Variants in ATF2 observed in about 807,000 individuals in gnomAD.
ATF2 encodes the protein cyclic AMP-dependent transcription factor ATF-2.
ATF2 carries 24 observed loss-of-function variants against 60.6 expected under a neutral mutation model. The observed-to-expected ratio is 0.40, with a 90% confidence interval of 0.29 to 0.56. ATF2 has a LOEUF of 0.56. Ranked by LOEUF, ATF2 falls within the 20% of genes least tolerant of loss-of-function variation. The pLI is 0.54. For synonymous variants in ATF2, 206 were observed against 215.4 expected (o/e 0.96, Z 0.38); for missense variants, 433 against 607.7 (o/e 0.71, Z 3.02).
At chr2:175,133,261 A>G (rs1316628320) in intron 3 of ATF2, among the ~76,000 whole-genome samples, 2 of 152,184 alleles carry the variant, frequency 1.3e-5, no homozygotes, top group Non-Finnish European at 1.5e-5. Context: ...TTATAAAATT[A>G]CAATAATTAA....
In ATF2 at chr2:175,093,234, T is replaced by C. The variant is rs779123407; in HGVS notation, c.1012A>G (p.Ser338Gly). The C allele has an allele frequency of 3.7e-6, 6 of 1,614,014 alleles. No homozygotes were observed. The highest frequency in any genetic ancestry group is 5.1e-6 in the Non-Finnish European group (6 of 1,180,032). ...GCTCTTCTCCGACGACCACTTGTAC[T>C]TTGGGTCTGTGGAGTTGTGTGAGCT... ...SPAHTTPQTQ[S>G]TSGRRRRAAN... is the part of the protein sequence containing the mutation. The change falls in exon 12 of 14, where the codon AGT becomes GGT. Residue 338 changes from serine to glycine, a missense_variant. This residue lies in a region of ATF2 where 246 missense variants were observed against 309.3 expected (regional missense o/e 0.80). Transcript: ENST00000264110.
rs1018011761 is a variant in ATF2 at position 175,145,244 on chromosome 2, T to A, written c.-44+5816A>T. 1.5e-3 allele frequency among the ~76,000 whole-genome samples: 225 copies of A among 152,212 alleles called. 22 individuals carry two copies. Among genetic ancestry groups the A allele is most frequent in the Non-Finnish European group, 1.3e-4 (9 of 68,036 alleles). On this transcript the variant is annotated intron_variant, in intron 2 of 13. Transcript: ENST00000264110. The stretch of plus-strand genomic sequence containing the variant: ...GTGATATAGGTTGAATATATGTCCC[T>A]GCCAAATCTCATGGTGAATTGTAAT...
At chr2:175,098,944 A>T (rs1695125879) in intron 10 of ATF2, among the ~76,000 whole-genome samples, 1 of 152,194 alleles carries the variant, frequency 6.6e-6, no homozygotes, top group Admixed American at 6.5e-5. Context: ...TTATGCGTGA[A>T]CAAATGTTAG....
chr2:175,114,358 A>C, intron 8 of ATF2: 1 of 1,258,586 alleles, frequency 7.9e-7, no homozygotes, highest in Non-Finnish European at 1.0e-6. Context: ...AATGAGAAAA[A>C]CTGTCATCAG....
intron 12 of ATF2, among the ~76,000 whole-genome samples, chr2:175,084,950 C>A (rs1230025554): frequency 6.6e-6 from 1 of 152,088 alleles, no homozygotes; most frequent in African/African-American, 2.4e-5. Context: ...TAAAAAATAT[C>A]AAAGAAGGTG....
rs181819960 is a variant in ATF2 at position 175,161,936 on chromosome 2, T to A, written c.-143+6114A>T. On this transcript the variant is annotated intron_variant, in intron 1 of 13. Coordinates refer to ENST00000264110, the MANE Select transcript of ATF2 (RefSeq NM_001880.4). ...CCATCATGCCCAGCTAATTTTTGTA[T>A]TTTTAGTAGAGATGGTGTTTTCTCA... 6.4e-3 allele frequency among the ~76,000 whole-genome samples: 974 copies of A among 152,252 alleles called. 2 individuals are homozygous for A. Among genetic ancestry groups the A allele is most frequent in the Middle Eastern group, 0.02 (6 of 294 alleles).
intron 2 of ATF2, among the ~76,000 whole-genome samples, chr2:175,140,755 G>A (rs1404116193): frequency 2.7e-5 from 4 of 149,960 alleles, no homozygotes; most frequent in African/African-American, 9.9e-5. Context: ...TTGGGGTGCC[G>A]AGGCAGAAGG....
Position 175,137,299 on chromosome 2 carries a change from G to T in ATF2, c.-43-813C>A, listed in dbSNP as rs572912422. Among the ~76,000 whole-genome samples, 5 of 152,222 alleles carry T rather than the reference G, an allele frequency of 3.3e-5. No individual in the cohort carries two copies. The East Asian group carries it at 9.6e-4, about 29-fold the overall frequency. On this transcript the variant is annotated intron_variant, in intron 2 of 13. Transcript: ENST00000264110. Reference sequence around the variant, plus strand: ...CTTGTCCCATGCAAAATTTTTATCTGAGAGGGTTCCATTTCTTCACTCACA... The same window carrying T: ...CTTGTCCCATGCAAAATTTTTATCTTAGAGGGTTCCATTTCTTCACTCACA...
chr2:175,107,211 G>A (rs1301101303), intron 10 of ATF2, among the ~76,000 whole-genome samples: 2 of 152,106 alleles, frequency 1.3e-5, no homozygotes, highest in Admixed American at 1.3e-4. Context: ...AAAGGAAATG[G>A]AAATTAAAAT....
intron 12 of ATF2, 65 bp from the exon 13 acceptor site, chr2:175,080,830 G>T: frequency 7.6e-7 from 1 of 1,323,142 alleles, no homozygotes; most frequent in Non-Finnish European, 1.1e-6. Context: ...TTTAAAACAA[G>T]CAAGGATTAA....
chr2:175,164,952 G>A (rs1700255404), intron 1 of ATF2, among the ~76,000 whole-genome samples: 1 of 152,196 alleles, frequency 6.6e-6, no homozygotes, highest in Non-Finnish European at 1.5e-5. Flanking sequence ...CTGCTCCTAG[G>A]TGCTAGCGAT....
chr2:175,110,541 T>G (rs1014373463), intron 10 of ATF2, among the ~76,000 whole-genome samples: 11 of 152,192 alleles, frequency 7.2e-5, no homozygotes, highest in Admixed American at 7.2e-4. Flanking sequence ...AATTAATCGA[T>G]GTTATTAATT....
At chr2:175,151,201 T>A (rs1699291520) in intron 1 of ATF2, 43 bp from the exon 2 acceptor site, 1 of 152,390 alleles carries the variant, frequency 6.6e-6, no homozygotes, top group East Asian at 1.9e-4. Flanking sequence ...CTTATTACCA[T>A]GTGGGATCTA....
chr2:175,163,077 T>C (rs1037584807), intron 1 of ATF2, among the ~76,000 whole-genome samples: 27 of 152,046 alleles, frequency 1.8e-4, no homozygotes, highest in Non-Finnish European at 1.5e-4. Flanking sequence ...GAGCTTGCAG[T>C]GAGCCAAGAT....
chr2:175,156,136 C>T (rs112841446), intron 1 of ATF2, among the ~76,000 whole-genome samples: 2 of 151,954 alleles, frequency 1.3e-5, no homozygotes, highest in African/African-American at 2.4e-5. Flanking sequence ...TTTGGGAGGC[C>T]AAGGCAGGCG....
chr2:175,156,493 A>T (rs1699698213), intron 1 of ATF2, among the ~76,000 whole-genome samples: 1 of 151,440 alleles, frequency 6.6e-6, no homozygotes, highest in Non-Finnish European at 1.5e-5. Context: ...CTCCATCTGG[A>T]GTCAGAGATT....
intron 1 of ATF2, among the ~76,000 whole-genome samples, chr2:175,166,184 TGACA>T (rs1700339008): frequency 6.6e-6 from 1 of 152,222 alleles, no homozygotes; most frequent in South Asian, 2.1e-4. Flanking sequence ...AGCTCCTTCC[TGACA>T]ATTAAAATAC....
chr2:175,096,093 C>G (rs1422344636), intron 11 of ATF2, among the ~76,000 whole-genome samples: 1 of 152,174 alleles, frequency 6.6e-6, no homozygotes, highest in African/African-American at 2.4e-5. Flanking sequence ...AGGTGGCAAT[C>G]TAAAACTTAT....
At chr2:175,143,608 A>G (rs1283839043) in intron 2 of ATF2, among the ~76,000 whole-genome samples, 1 of 152,222 alleles carries the variant, frequency 6.6e-6, no homozygotes, top group Non-Finnish European at 1.5e-5. Flanking sequence ...TTTCTACTTT[A>G]CCAGCAGAGA....
Sources: gnomAD v4.1 joint callset for allele counts (sites outside exome capture counted in the v4.1 genomes callset) on GRCh38, gnomAD v4.1.1 for gene constraint, gnomAD v4.1.1 regional missense constraint, MANE v1.5 for transcripts, NCBI Gene and HGNC (gene_info 2026-07-23, HGNC 2026-07-21) for gene names.